MRPL45: variants seen among roughly 807,000 people sequenced by gnomAD.
MRPL45 encodes large ribosomal subunit protein mL45.
MRPL45 carries 20 observed loss-of-function variants against 38.1 expected under a neutral mutation model. The ratio of observed to expected loss-of-function variants is 0.53; its 90% CI spans 0.37 to 0.76. The LOEUF (loss-of-function observed/expected upper bound fraction) is 0.76. MRPL45 is among the 30% of genes least tolerant of loss of function. The pLI is 0.00. For missense variants in MRPL45, 337 were observed against 395.6 expected (o/e 0.85, Z 1.26); for synonymous variants, 105 against 128.8 (o/e 0.82, Z 1.25).
intron 3 of MRPL45, among the ~76,000 whole-genome samples, chr17:38,303,081 C>T (rs951810123): frequency 6.6e-6 from 1 of 151,892 alleles, no homozygotes; most frequent in African/African-American, 2.4e-5. Context: ...CTTTAACACA[C>T]TTAAATTAAT....
chr17:38,310,607 G>A (rs538313760), intron 4 of MRPL45, among the ~76,000 whole-genome samples: 123 of 151,638 alleles, frequency 8.1e-4, no homozygotes, highest in Non-Finnish European at 1.5e-3. Context: ...GGGATTACAG[G>A]CATGAGCCAC....
chr17:38,305,973 C>A (rs2037049990), intron 3 of MRPL45, among the ~76,000 whole-genome samples: 1 of 151,770 alleles, frequency 6.6e-6, no homozygotes, highest in African/African-American at 2.4e-5. Flanking sequence ...TGTAAGAAAC[C>A]CGTTTTTTCT....
chr17:38,313,297 TAAAAAA>T (rs879236168), intron 4 of MRPL45, among the ~76,000 whole-genome samples: 23 of 18,520 alleles, frequency 1.2e-3, no homozygotes, highest in Middle Eastern at 0.011. Context: ...TCCTTTCTAT[TAAAAAA>T]AAAAAAAAAT....
At chr17:38,297,289 G>A (rs2036946062) in intron 1 of MRPL45, 40 bp downstream of exon 1, 3 of 1,576,486 alleles carry the variant, frequency 1.9e-6, no homozygotes, top group Non-Finnish European at 2.6e-6. Flanking sequence ...AGGGGCTACA[G>A]GAGAGGACAG....
chr17:38,299,686 CAGTT>C (rs1266550957), intron 3 of MRPL45, among the ~76,000 whole-genome samples: 2 of 151,172 alleles, frequency 1.3e-5, no homozygotes, highest in Non-Finnish European at 2.9e-5. Context: ...TTTGTCATAT[CAGTT>C]AGGGAGTTGA....
chr17:38,306,507 A>AG, intron 3 of MRPL45, 26 bp from the exon 4 acceptor site: 1 of 1,560,182 alleles, frequency 6.4e-7, no homozygotes. Flanking sequence ...GACCTTTAGA[A>AG]GTAATACTCA....
intron 3 of MRPL45, among the ~76,000 whole-genome samples, chr17:38,304,880 T>C: frequency 6.9e-6 from 1 of 144,558 alleles, no homozygotes; most frequent in African/African-American, 2.6e-5. Context: ...GAAGTCTCGC[T>C]CTGTCACCCA....
At chr17:38,310,803 T>C (rs547848592) in intron 4 of MRPL45, among the ~76,000 whole-genome samples, 16 of 152,230 alleles carry the variant, frequency 1.1e-4, no homozygotes, top group African/African-American at 3.6e-4. Flanking sequence ...TTTAAATTTT[T>C]TGTAGAGACA....
chr17:38,320,242 G>A (rs139536826), intron 5 of MRPL45, among the ~76,000 whole-genome samples: 1,675 of 152,042 alleles, frequency 0.011, 33 homozygotes, highest in African/African-American at 0.038. Flanking sequence ...TGTGAGTGGG[G>A]AAAAAAAATA....
At chr17:38,301,953 T>TA (rs1441234922) in intron 3 of MRPL45, among the ~76,000 whole-genome samples, 3 of 151,562 alleles carry the variant, frequency 2.0e-5, no homozygotes, top group Non-Finnish European at 4.4e-5. Context: ...CCGTCTCTAC[T>TA]AAAAATACAA....
chr17:38,297,196 A>G lies in MRPL45; in HGVS notation c.13A>G (p.Ile5Val), dbSNP rs1179413434. 4.3e-6 allele frequency: 7 copies of G among 1,614,198 alleles called. No individual in the cohort carries two copies. Among genetic ancestry groups the G allele is most frequent in the Admixed American group, 3.3e-5 (2 of 60,024 alleles). Residue 5 changes from isoleucine (I) to valine (V), a missense_variant, in exon 1 of 8, where the codon ATA becomes GTA. By Grantham distance (29) the Ile-to-Val change is conservative. Coordinates refer to ENST00000613675, the MANE Select transcript of MRPL45 (RefSeq NM_032351.6). MAAP[I>V]PQGFSCLSRF... ...TTGCGGGAACAAGATGGCAGCCCCC[A>G]TACCTCAAGGGTTCTCTTGTTTATC...
At chr17:38,306,237 G>A (rs1184614880) in intron 3 of MRPL45, among the ~76,000 whole-genome samples, 2 of 150,494 alleles carry the variant, frequency 1.3e-5, no homozygotes, top group Admixed American at 6.6e-5. Flanking sequence ...GTGAAACCCC[G>A]TCTCTACTAA....
At position 38,318,719 on chromosome 17, in the gene MRPL45, CTG is replaced by C; in HGVS notation, c.495_496del (p.Glu166ThrfsTer13). 6.2e-7 allele frequency: 1 copy of C among 1,610,050 alleles called. No homozygotes were observed. Among genetic ancestry groups the C allele is most frequent in the Non-Finnish European group, 8.5e-7 (1 of 1,176,836 alleles). On this transcript the variant is annotated frameshift_variant, in exon 5 of 8. Transcript: ENST00000613675. LOFTEE classifies it high-confidence loss of function. ...CATGACCGGCTTCATACCTTGGTAACTGAACACTGTTTTCCAGTAAGTTCTCA... is the reference window on the plus strand; with the variant it reads ...CATGACCGGCTTCATACCTTGGTAACAACACTGTTTTCCAGTAAGTTCTCA...
Position 38,299,595 on chromosome 17 carries a change from C to G in MRPL45, c.362+127C>G. The G allele has an allele frequency of 4.8e-6, 3 of 625,930 alleles. No homozygotes were observed. In the South Asian group the frequency reaches 6.6e-5, roughly 14 times the overall value. The allele number at this position is 625,930 out of a possible 1,614,324, so 38.8% of individuals were successfully genotyped here. A position where few individuals can be genotyped will look rare whatever the true frequency, so the allele number is the denominator to read the frequency against. ...TCTCTTAATAACATGATGGTATTTT[C>G]TCCTTTGTACTAGAGTCTGTATTTA... On this transcript the variant is annotated intron_variant, in intron 3 of 7. Transcript: ENST00000613675.
chr17:38,309,975 C>T (rs1395210888), intron 4 of MRPL45, among the ~76,000 whole-genome samples: 5 of 152,176 alleles, frequency 3.3e-5, no homozygotes, highest in South Asian at 4.1e-4. Context: ...ATTTTTCCAA[C>T]CTTTTTTTTT....
At chr17:38,305,648 C>CG (rs1312183971) in intron 3 of MRPL45, among the ~76,000 whole-genome samples, 36 of 136,244 alleles carry the variant, frequency 2.6e-4, no homozygotes, top group Non-Finnish European at 5.0e-4. Flanking sequence ...CCATGCCCAG[C>CG]TTTTTTTTTT....
chr17:38,312,446 C>T (rs948237259), intron 4 of MRPL45, among the ~76,000 whole-genome samples: 1 of 152,104 alleles, frequency 6.6e-6, no homozygotes, highest in African/African-American at 2.4e-5. Context: ...AGGTTGTTTC[C>T]ACCTTTTATT....
At chr17:38,300,442 G>T (rs1332524393) in intron 3 of MRPL45, among the ~76,000 whole-genome samples, 4 of 152,040 alleles carry the variant, frequency 2.6e-5, no homozygotes, top group Non-Finnish European at 1.5e-5. Flanking sequence ...GGGATTACAG[G>T]TGTGACCCGT....
chr17:38,299,374 C>T lies in MRPL45; in HGVS notation c.268C>T (p.Pro90Ser). ...CTAGIFDAYV[P>S]PEGDARISSL... ...AGCTGGTATATTTGATGCCTATGTT[C>T]CTCCTGAGGGTGATGCACGCATATC... The change falls in exon 3 of 8, where the codon CCT (proline) becomes TCT (serine). Residue 90 changes from proline (P) to serine (S), a missense_variant. Pro to Ser is a moderately conservative substitution (Grantham distance 74). Around this residue, in one of 3 missense-constraint regions of MRPL45, gnomAD observed 60 missense variants for 109.6 expected, o/e 0.55. Transcript: ENST00000613675. 6.2e-7 allele frequency: 1 copy of T among 1,604,642 alleles called. No homozygotes were observed. The highest frequency in any genetic ancestry group is 8.5e-7 in the Non-Finnish European group (1 of 1,178,118).
Sources: allele counts gnomAD v4.1 joint callset (sites outside exome capture counted in the v4.1 genomes callset), GRCh38; gene constraint gnomAD v4.1.1; regional missense constraint gnomAD v4.1.1; transcripts MANE v1.5; gene names NCBI Gene and HGNC (gene_info 2026-07-23, HGNC 2026-07-21).